The following LRRC7 variants were observed in gnomAD, a reference collection of about 807,000 sequenced individuals.
LRRC7 encodes the protein leucine rich repeat containing 7, also known as leucine-rich repeat-containing protein 7.
A neutral mutation model predicts 175.7 loss-of-function variants in LRRC7; 23 were observed. The ratio of observed to expected loss-of-function variants is 0.13; its 90% confidence interval spans 0.09 to 0.19. The LOEUF is 0.19. Ranked by LOEUF, LRRC7 falls within the 10% of genes least tolerant of loss-of-function variation. LRRC7 has a pLI of 1.00. For missense variants in LRRC7, 1,354 were observed against 1,904.7 expected, an observed-to-expected ratio of 0.71 and a Z score of 5.38; for synonymous variants, 685 against 680.9, an observed-to-expected ratio of 1.01 and a Z score of -0.09.
intron 3 of LRRC7, among the ~76,000 whole-genome samples, chr1:69,787,502 T>C (rs1356958812): frequency 1.3e-5 from 2 of 152,202 alleles, no homozygotes; most frequent in Admixed American, 1.3e-4. Flanking sequence ...GGCATTTTCA[T>C]ACATCTTCTG....
chr1:70,039,701 A>G lies in LRRC7; in HGVS notation c.3877A>G (p.Thr1293Ala), dbSNP rs770654648. The part of the protein sequence containing the change: ...SDNSDLKTRP[T>A]PVKGEESCGK... ...TAACAGTGATTTAAAGACGAGGCCT[A>G]CTCCTGTGAAGGGAGAGGAGAGCTG... The change falls in exon 21 of 27, where the codon ACT (threonine) becomes GCT (alanine). Residue 1293 changes from threonine to alanine, a missense_variant. By Grantham distance (58) the Thr-to-Ala change is moderately conservative. This residue lies in a region of LRRC7 where 1,032 missense variants were observed against 1,227.2 expected (regional missense o/e 0.84). Transcript: ENST00000651989. The G allele has an allele frequency of 1.2e-6, 2 of 1,613,882 alleles. No individual in the cohort carries two copies. The highest frequency in any genetic ancestry group is 1.7e-6 in the Non-Finnish European group (2 of 1,179,974).
chr1:69,732,618 T>C (rs1667697145), intron 2 of LRRC7, among the ~76,000 whole-genome samples: 2 of 152,036 alleles, frequency 1.3e-5, no homozygotes, highest in Admixed American at 1.3e-4. Flanking sequence ...GTAAATATAA[T>C]AATAAAGTCC....
chr1:69,997,286 G>T (rs188652249), intron 11 of LRRC7, among the ~76,000 whole-genome samples: 14 of 152,136 alleles, frequency 9.2e-5, no homozygotes, highest in South Asian at 2.1e-4. Flanking sequence ...CTTATCAGCT[G>T]AAGGAGATTT....
At chr1:69,730,559 T>A (rs1003851851) in intron 2 of LRRC7, among the ~76,000 whole-genome samples, 1 of 152,174 alleles carries the variant, frequency 6.6e-6, no homozygotes, top group Non-Finnish European at 1.5e-5. Flanking sequence ...CACTTTATTG[T>A]CCATATCACT....
At chr1:69,836,501 A>G (rs1320062941) in intron 6 of LRRC7, among the ~76,000 whole-genome samples, 1 of 151,962 alleles carries the variant, frequency 6.6e-6, no homozygotes, top group African/African-American at 2.4e-5. Flanking sequence ...AATGTGAGAA[A>G]AAGATTTGGG....
chr1:69,834,606 C>A (rs1240445528), intron 5 of LRRC7, among the ~76,000 whole-genome samples, 174 bp from the exon 6 acceptor site: 1 of 151,948 alleles, frequency 6.6e-6, no homozygotes, highest in Non-Finnish European at 1.5e-5. Context: ...TAATAACAGG[C>A]AAAATTTTCG....
intron 25 of LRRC7, among the ~76,000 whole-genome samples, chr1:70,091,677 T>C (rs1664044441): frequency 6.6e-6 from 1 of 152,202 alleles, no homozygotes; most frequent in Admixed American, 6.5e-5. Context: ...TATGAACACT[T>C]TATAGCTATT....
At chr1:70,095,961 TG>T (rs1664356702) in intron 25 of LRRC7, among the ~76,000 whole-genome samples, 1 of 151,916 alleles carries the variant, frequency 6.6e-6, no homozygotes, top group African/African-American at 2.4e-5. Flanking sequence ...ATATGCATGT[TG>T]TTTTTTTTGT....
At chr1:69,990,561 T>C (rs1654344434) in intron 10 of LRRC7, among the ~76,000 whole-genome samples, 1 of 152,080 alleles carries the variant, frequency 6.6e-6, no homozygotes, top group Non-Finnish European at 1.5e-5. Flanking sequence ...GTGAAGGACC[T>C]TACCTTATTC....
At chr1:69,825,915 A>G in intron 5 of LRRC7, 89 bp downstream of exon 5, 1 of 750,608 alleles carries the variant, frequency 1.3e-6, no homozygotes. Flanking sequence ...TCATAATTTA[A>G]ATTTAAATGT....
chr1:69,767,241 T>C (rs1357717281), intron 3 of LRRC7, among the ~76,000 whole-genome samples: 1 of 152,196 alleles, frequency 6.6e-6, no homozygotes, highest in Non-Finnish European at 1.5e-5. Flanking sequence ...TTCCTTTGTA[T>C]GATTATACCG....
intron 11 of LRRC7, among the ~76,000 whole-genome samples, chr1:70,006,055 G>T (rs1655969736): frequency 6.6e-6 from 1 of 151,622 alleles, no homozygotes; most frequent in South Asian, 2.1e-4. Context: ...TTTAATACCG[G>T]ATTTTGTATT....
intron 7 of LRRC7, among the ~76,000 whole-genome samples, chr1:69,888,198 CG>C (rs1553169018): frequency 6.6e-6 from 1 of 151,924 alleles, no homozygotes; most frequent in Non-Finnish European, 1.5e-5. Flanking sequence ...TGGGCAATGG[CG>C]GTCGCCCCTC....
At chr1:69,589,148 GTGTGTA>G (rs773970781) in intron 1 of LRRC7, among the ~76,000 whole-genome samples, 8 of 133,962 alleles carry the variant, frequency 6.0e-5, no homozygotes, top group East Asian at 2.3e-4. Context: ...GTGTGTGTGT[GTGTGTA>G]TGTCTGTGTG....
intron 3 of LRRC7, among the ~76,000 whole-genome samples, chr1:69,766,099 G>A (rs990653249): frequency 6.3e-4 from 96 of 151,844 alleles, no homozygotes; most frequent in African/African-American, 2.1e-3. Flanking sequence ...ATTAAACTTA[G>A]AAAGTGAAAT....
intron 26 of LRRC7, 87 bp downstream of exon 26, chr1:70,107,913 G>A (rs1665255129): frequency 8.3e-7 from 1 of 1,200,628 alleles, no homozygotes; most frequent in Admixed American, 1.8e-5. Context: ...TGAATTAAAT[G>A]ATTGAAAATA....
intron 1 of LRRC7, among the ~76,000 whole-genome samples, chr1:69,647,259 G>T (rs1655135650): frequency 1.3e-5 from 2 of 152,118 alleles, no homozygotes; most frequent in Admixed American, 1.3e-4. Flanking sequence ...GTGGGCATTT[G>T]AATTCTACTT....
chr1:69,622,206 T>C (rs1230604387), intron 1 of LRRC7, among the ~76,000 whole-genome samples: 1 of 152,198 alleles, frequency 6.6e-6, no homozygotes, highest in Non-Finnish European at 1.5e-5. Flanking sequence ...AGGCAAAAAA[T>C]TCTGAATTTT....
At chr1:69,748,810 G>T (rs1288587839) in intron 2 of LRRC7, among the ~76,000 whole-genome samples, 1 of 152,080 alleles carries the variant, frequency 6.6e-6, no homozygotes, top group Non-Finnish European at 1.5e-5. Flanking sequence ...GCCTCTATCT[G>T]ACTACTTCTG....
Sources: gnomAD v4.1 joint callset for allele counts (sites outside exome capture counted in the v4.1 genomes callset) on GRCh38, gnomAD v4.1.1 for gene constraint, gnomAD v4.1.1 regional missense constraint, MANE v1.5 for transcripts, NCBI Gene and HGNC (gene_info 2026-07-23, HGNC 2026-07-21) for gene names.